The following FSTL4 variants were observed in gnomAD, a reference collection of about 807,000 sequenced individuals.
The protein encoded by FSTL4 is follistatin like 4, also known as follistatin-related protein 4.
In FSTL4, 28 loss-of-function variants were observed where a neutral mutation model predicts 78.2. That is an observed-to-expected ratio of 0.36 (90% CI 0.27 to 0.49). FSTL4 has a LOEUF of 0.49. FSTL4 is among the 20% of genes least tolerant of loss of function. The probability of loss-of-function intolerance (pLI) is 0.98; values close to 1 mark genes in which losing one functional copy is unlikely to be tolerated. For missense variants in FSTL4, 922 were observed against 1,084.9 expected, an observed-to-expected ratio of 0.85 and a Z score of 2.11; for synonymous variants, 422 against 440.5, an observed-to-expected ratio of 0.96 and a Z score of 0.53.
At chr5:133,613,463 A>C (rs1428299101), upstream of FSTL4, among the ~76,000 whole-genome samples, 1 of 152,158 alleles carries the variant, frequency 6.6e-6, no homozygotes, top group Non-Finnish European at 1.5e-5. Flanking sequence ...GGGGGAGGTG[A>C]CAGAGGGGAT....
intron 4 of FSTL4, among the ~76,000 whole-genome samples, chr5:133,321,006 CAAA>C (rs3976680): frequency 3.3e-5 from 3 of 90,440 alleles, no homozygotes; most frequent in African/African-American, 9.1e-5. Flanking sequence ...GACTCCGTCT[CAAA>C]AAAAAAAAAA....
chr5:133,567,404 T>G (rs1466905069), intron 2 of FSTL4, among the ~76,000 whole-genome samples, 185 bp from the exon 3 acceptor site: 1 of 152,340 alleles, frequency 6.6e-6, no homozygotes, highest in Admixed American at 6.5e-5. Context: ...AAACAACTTG[T>G]TGCTTTGAGG....
chr5:133,221,913 T>TTGTTTTG (rs1751138175), intron 11 of FSTL4, among the ~76,000 whole-genome samples: 4 of 97,806 alleles, frequency 4.1e-5, no homozygotes, highest in African/African-American at 1.4e-4. Flanking sequence ...TTTTTTTTTT[T>TTGTTTTG]TTTTTTTTTT....
intron 4 of FSTL4, among the ~76,000 whole-genome samples, chr5:133,389,527 A>G (rs1434064070): frequency 1.3e-5 from 2 of 152,000 alleles, no homozygotes; most frequent in African/African-American, 2.4e-5. Context: ...CCCTGCCCCT[A>G]CCCTGGTGTC....
At chr5:133,719,366 T>C in the FSTL4 span, among the ~76,000 whole-genome samples, 2 of 152,082 alleles carry the variant, frequency 1.3e-5, no homozygotes, top group South Asian at 4.1e-4. Context: ...CCAATAATAA[T>C]ACATTATAAA....
chr5:133,546,601 T>C (rs1400168003), intron 3 of FSTL4, among the ~76,000 whole-genome samples: 3 of 150,726 alleles, frequency 2.0e-5, no homozygotes, highest in African/African-American at 7.3e-5. Context: ...AGGAGATTAG[T>C]ATAGACAGAA....
the FSTL4 span, among the ~76,000 whole-genome samples, chr5:133,734,951 G>C: frequency 6.6e-6 from 1 of 152,208 alleles, no homozygotes; most frequent in Non-Finnish European, 1.5e-5. Flanking sequence ...AGAATGAACA[G>C]CGGGCTGTGC....
At chr5:133,840,100 C>G in the FSTL4 span, among the ~76,000 whole-genome samples, 94 of 152,312 alleles carry the variant, frequency 6.2e-4, no homozygotes, top group Middle Eastern at 0.01. Flanking sequence ...TTACAGAGTC[C>G]TCCCACTCAA....
chr5:133,570,384 A>C (rs1292567711), intron 2 of FSTL4, among the ~76,000 whole-genome samples: 1 of 152,066 alleles, frequency 6.6e-6, no homozygotes, highest in Non-Finnish European at 1.5e-5. Context: ...GTGCAGTGGC[A>C]CGATCTCGAC....
chr5:133,446,421 G>T (rs1757266323), intron 3 of FSTL4, among the ~76,000 whole-genome samples: 1 of 152,204 alleles, frequency 6.6e-6, no homozygotes, highest in Non-Finnish European at 1.5e-5. Context: ...CTGCAACAGA[G>T]CGAGACTCTG....
At chr5:133,813,161 T>C in the FSTL4 span, among the ~76,000 whole-genome samples, 5 of 152,208 alleles carry the variant, frequency 3.3e-5, no homozygotes, top group South Asian at 1.0e-3. Flanking sequence ...TCCTCCACAC[T>C]GTCCTACAGA....
chr5:133,228,981 T>C (rs529966766), intron 8 of FSTL4, among the ~76,000 whole-genome samples: 1 of 152,136 alleles, frequency 6.6e-6, no homozygotes, highest in South Asian at 2.1e-4. Flanking sequence ...AATAAAGTTA[T>C]AAGGATTAAT....
In FSTL4 at chr5:133,345,882, A is replaced by G. The variant is rs551708742; in HGVS notation, c.410-29230T>C. On this transcript the variant is annotated intron_variant, in intron 4 of 15. Coordinates refer to ENST00000265342, the MANE Select transcript of FSTL4 (RefSeq NM_015082.2). ...AAATACCATTTGACCCAGCAATCCC[A>G]TTACTGGGTATATACCCAAAGGACT... 8.5e-5 allele frequency among the ~76,000 whole-genome samples: 13 copies of G among 152,346 alleles called. No homozygotes were observed. In the East Asian group the frequency reaches 1.5e-3, roughly 18 times the overall value.
chr5:133,288,114 C>T (rs1753179502), intron 6 of FSTL4, among the ~76,000 whole-genome samples: 1 of 152,222 alleles, frequency 6.6e-6, no homozygotes, highest in Admixed American at 6.5e-5. Flanking sequence ...TAGTGCCTGG[C>T]ACAAAGTAAT....
intron 3 of FSTL4, among the ~76,000 whole-genome samples, chr5:133,478,338 C>T (rs1299007980): frequency 6.6e-6 from 1 of 152,206 alleles, no homozygotes; most frequent in Non-Finnish European, 1.5e-5. Context: ...GACTGCTCAT[C>T]TGAAATTCTA....
the FSTL4 span, among the ~76,000 whole-genome samples, chr5:133,737,813 C>A: frequency 6.6e-6 from 1 of 152,054 alleles, no homozygotes; most frequent in African/African-American, 2.4e-5. Flanking sequence ...CCAACTTGGC[C>A]AGGCTGGTCT....
At chr5:133,410,300 G>C (rs942840515) in intron 3 of FSTL4, among the ~76,000 whole-genome samples, 1 of 152,028 alleles carries the variant, frequency 6.6e-6, no homozygotes, top group Non-Finnish European at 1.5e-5. Context: ...CCCTGTCACC[G>C]GCCCTCATTT....
At chr5:133,249,790 T>G (rs952775877) in intron 6 of FSTL4, among the ~76,000 whole-genome samples, 3 of 152,252 alleles carry the variant, frequency 2.0e-5, no homozygotes, top group African/African-American at 7.2e-5. Flanking sequence ...AAAGGCTATG[T>G]GAGTCCAAAC....
intron 2 of FSTL4, among the ~76,000 whole-genome samples, chr5:133,577,849 A>G (rs1760319292): frequency 6.6e-6 from 1 of 152,164 alleles, no homozygotes; most frequent in Admixed American, 6.5e-5. Context: ...AGAGGCTGCA[A>G]TGGAGCGCCA....
Sources: allele counts gnomAD v4.1 joint callset (sites outside exome capture counted in the v4.1 genomes callset), GRCh38; gene constraint gnomAD v4.1.1; transcripts MANE v1.5; gene names NCBI Gene and HGNC (gene_info 2026-07-23, HGNC 2026-07-21).